The following GALNT9 variants were observed in gnomAD, a reference collection of about 807,000 sequenced individuals.
The protein encoded by GALNT9 is GalNAc transferase 9.
GALNT9 carries 47 observed loss-of-function variants against 63.1 expected under a neutral mutation model. That is an observed-to-expected ratio of 0.75 (90% CI 0.59 to 0.95). GALNT9 has a LOEUF of 0.95. GALNT9 is among the 40% of genes least tolerant of loss of function. The probability of loss-of-function intolerance (pLI) is 0.00; values close to 1 mark genes in which losing one functional copy is unlikely to be tolerated. For synonymous variants in GALNT9, 396 were observed against 365.7 expected (o/e 1.08, Z -0.94); for missense variants, 829 against 874.8 (o/e 0.95, Z 0.66).
intron 1 of GALNT9, among the ~76,000 whole-genome samples, chr12:132,313,797 C>CCCACACAT (rs1881912143): frequency 7.8e-6 from 1 of 128,846 alleles, no homozygotes; most frequent in African/African-American, 3.0e-5. Flanking sequence ...CACCCATCCA[C>CCCACACAT]CCACCCATCC....
In GALNT9 at chr12:132,197,034, C is replaced by G; in HGVS notation, c.*73G>C. On this transcript the variant is annotated 3_prime_UTR_variant, in exon 11 of 11. Transcript: ENST00000328957. The stretch of plus-strand genomic sequence containing the variant: ...TGTCCTGCTGTGTCTGCCGGGCACA[C>G]CCCGGTCACTCAGCCACACTGGCTC... The G allele has an allele frequency of 6.3e-7, 1 of 1,585,336 alleles. No homozygotes were observed. Among genetic ancestry groups the G allele is most frequent in the Non-Finnish European group, 8.6e-7 (1 of 1,163,838 alleles).
rs562663899 is a variant in GALNT9 at position 132,292,782 on chromosome 12, G to A, written c.239-6352C>T. On this transcript the variant is annotated intron_variant, in intron 1 of 10. Coordinates refer to ENST00000328957, the MANE Select transcript of GALNT9 (RefSeq NM_001122636.2). Reference sequence around the variant, plus strand: ...CCAGAGAAAAGGGAAGGGAAGGAGGGTGGGGAGAGGGTGGAGTCGGTGAGA... The same window carrying A: ...CCAGAGAAAAGGGAAGGGAAGGAGGATGGGGAGAGGGTGGAGTCGGTGAGA... Among the ~76,000 whole-genome samples, 5 of 152,332 alleles carry A rather than the reference G, an allele frequency of 3.3e-5. No homozygotes were observed. In the East Asian group the frequency reaches 9.6e-4, roughly 29 times the overall value.
intron 6 of GALNT9, among the ~76,000 whole-genome samples, chr12:132,210,927 GC>G (rs1876933417): frequency 1.3e-5 from 2 of 151,942 alleles, no homozygotes; most frequent in Non-Finnish European, 2.9e-5. Context: ...TCGGCTGCCG[GC>G]CTGACTCACA....
intron 1 of GALNT9, among the ~76,000 whole-genome samples, chr12:132,308,597 G>A (rs1359207838): frequency 4.6e-5 from 7 of 152,216 alleles, no homozygotes; most frequent in African/African-American, 1.7e-4. Flanking sequence ...TGGGGTGGGA[G>A]GGACCCTCGA....
chr12:132,305,870 T>C (rs1365697793), intron 1 of GALNT9, among the ~76,000 whole-genome samples: 1 of 151,986 alleles, frequency 6.6e-6, no homozygotes, highest in East Asian at 1.9e-4. Context: ...CAGCACTGGG[T>C]GATGGGGACC....
Position 132,197,944 on chromosome 12 carries a change from C to T in GALNT9, c.1513G>A (p.Ala505Thr), listed in dbSNP as rs374856561. 289 of 1,609,736 alleles carry T rather than the reference C, an allele frequency of 1.8e-4. No individual in the cohort carries two copies. The highest frequency in any genetic ancestry group is 5.0e-4 in the Middle Eastern group (3 of 6,054). The change falls in exon 10 of 11, where the codon GCT (alanine) becomes ACT (threonine). Residue 505 changes from alanine (A) to threonine (T), a missense_variant. Coordinates refer to ENST00000328957, the MANE Select transcript of GALNT9 (RefSeq NM_001122636.2). ...GGCCCCAGCTGCAGCAGTCCATCAG[C>T]GCTGTACCGCACCAGCTGGGGACAG... Reference protein sequence around the residue: ...GMSSQLVRYSADGLLQLGPLG... With the variant: ...GMSSQLVRYSTDGLLQLGPLG...
chr12:132,225,092 C>A (rs1397893633), intron 6 of GALNT9, among the ~76,000 whole-genome samples: 1 of 137,766 alleles, frequency 7.3e-6, no homozygotes, highest in Non-Finnish European at 1.6e-5. Flanking sequence ...ACATGCCACA[C>A]ACTGTACATA....
At chr12:132,318,023 T>G (rs1868603653) in intron 1 of GALNT9, among the ~76,000 whole-genome samples, 1 of 152,158 alleles carries the variant, frequency 6.6e-6, no homozygotes, top group East Asian at 1.9e-4. Context: ...GGTGGATCAC[T>G]TGAGCTCAGG....
intron 6 of GALNT9, chr12:132,240,675 T>A (rs2136899171): frequency 1.1e-4 from 50 of 455,862 alleles, no homozygotes; most frequent in Non-Finnish European, 1.9e-4. Flanking sequence ...GTGTTTTTCT[T>A]CCTCTTTTAT....
intron 6 of GALNT9, among the ~76,000 whole-genome samples, chr12:132,206,454 C>T (rs1205004750): frequency 2.0e-5 from 3 of 152,194 alleles, no homozygotes; most frequent in Non-Finnish European, 4.4e-5. Context: ...TCGAGACCGC[C>T]TGGCCAACAT....
chr12:132,256,811 C>A (rs574834624), intron 5 of GALNT9, among the ~76,000 whole-genome samples: 2 of 152,336 alleles, frequency 1.3e-5, no homozygotes, highest in African/African-American at 4.8e-5. Flanking sequence ...TCCTTGTCAA[C>A]ATTTGGTATT....
rs1271944815 is a variant in GALNT9 at position 132,257,858 on chromosome 12, C to T, written c.790G>A (p.Glu264Lys). 1.3e-6 allele frequency: 2 copies of T among 1,547,856 alleles called. No individual in the cohort carries two copies. Among genetic ancestry groups the T allele is most frequent in the Non-Finnish European group, 1.7e-6 (2 of 1,146,230 alleles). Residue 264 changes from glutamate (E) to lysine (K), a missense_variant, in exon 5 of 11, where the codon GAG becomes AAG. Glu to Lys is a moderately conservative substitution (Grantham distance 56). Coordinates refer to ENST00000328957, the MANE Select transcript of GALNT9 (RefSeq NM_001122636.2). ...WAEPALSRIR[E>K]DRRRIVLPAI... The stretch of plus-strand genomic sequence containing the variant: ...GGCAGCACGATGCGACGCCGGTCCT[C>T]TCGGATCCGCGACAGTGCGGGCTCG...
chr12:132,309,845 G>A (rs1328611555), intron 1 of GALNT9, among the ~76,000 whole-genome samples: 1 of 152,250 alleles, frequency 6.6e-6, no homozygotes, highest in East Asian at 1.9e-4. Flanking sequence ...GGCAGTTAGA[G>A]GGCAAGGGCC....
At chr12:132,326,064 C>G (rs28701658) in intron 1 of GALNT9, among the ~76,000 whole-genome samples, 1 of 152,382 alleles carries the variant, frequency 6.6e-6, no homozygotes, top group East Asian at 1.9e-4. Flanking sequence ...GCCCTGCAAG[C>G]GCCTAGAGAA....
At chr12:132,226,860 T>C (rs1877713342) in intron 6 of GALNT9, among the ~76,000 whole-genome samples, 1 of 135,006 alleles carries the variant, frequency 7.4e-6, no homozygotes, top group African/African-American at 2.9e-5. Flanking sequence ...CCCCATACAC[T>C]GTACATACAC....
rs1881083089 is a variant in GALNT9 at position 132,296,525 on chromosome 12, A to G, written c.239-10095T>C. Among the ~76,000 whole-genome samples the G allele has an allele frequency of 6.6e-6, 1 of 152,232 alleles. No individual in the cohort carries two copies. Among genetic ancestry groups the G allele is most frequent in the Non-Finnish European group, 1.5e-5 (1 of 68,042 alleles). ...AAGCTTGTCATCTTATCCTTGAATA[A>G]GATGTAATTTTGAGAATAATGGGAA... On this transcript the variant is annotated intron_variant, in intron 1 of 10. Transcript: ENST00000328957. The surrounding 1 kb of genome is among the most constrained non-coding windows in gnomAD (Gnocchi z 4.2).
chr12:132,298,639 C>T lies in GALNT9; in HGVS notation c.239-12209G>A, dbSNP rs570275187. On this transcript the variant is annotated intron_variant, in intron 1 of 10. Coordinates refer to ENST00000328957, the MANE Select transcript of GALNT9 (RefSeq NM_001122636.2). ...CATCCCTGAGATAACCAAGCCACTC[C>T]TGAGATAACTCACTCCCATAACTAA... Among the ~76,000 whole-genome samples the T allele has an allele frequency of 1.1e-4, 16 of 151,114 alleles. No homozygotes were observed. The South Asian group carries it at 3.4e-3, about 32-fold the overall frequency.
In GALNT9 at chr12:132,286,567, G is replaced by A; in HGVS notation, c.239-137C>T. ...CCAGCAAACTCCCTGCAGATGGCAG[G>A]CTGCCAGCTCAGGACATTCCAGAAA... On this transcript the variant is annotated intron_variant, in intron 1 of 10. Coordinates refer to ENST00000328957, the MANE Select transcript of GALNT9 (RefSeq NM_001122636.2). This position sits in a 1 kb window ranked among gnomAD's most constrained non-coding sequence, Gnocchi z 7.4. 1.5e-6 allele frequency: 2 copies of A among 1,353,640 alleles called. No individual in the cohort carries two copies. Among genetic ancestry groups the A allele is most frequent in the Non-Finnish European group, 9.8e-7 (1 of 1,024,908 alleles). The allele number at this position is 1,353,640 out of a possible 1,614,324, so 83.9% of individuals were successfully genotyped here.
chr12:132,220,846 G>A (rs145306841), intron 6 of GALNT9, among the ~76,000 whole-genome samples: 2 of 151,566 alleles, frequency 1.3e-5, no homozygotes, highest in African/African-American at 4.8e-5. Flanking sequence ...CACCTGAGGT[G>A]AGGAGTTCGA....
Sources: allele counts gnomAD v4.1 joint callset (sites outside exome capture counted in the v4.1 genomes callset), GRCh38; gene constraint gnomAD v4.1.1; non-coding constraint Gnocchi (gnomAD v3.1); transcripts MANE v1.5; gene names NCBI Gene and HGNC (gene_info 2026-07-23, HGNC 2026-07-21).